Variants in INSR observed in about 807,000 individuals in gnomAD.
INSR encodes the protein insulin receptor.
In INSR, 67 loss-of-function variants were observed where a neutral mutation model predicts 142.6. The observed-to-expected ratio is 0.47, with a 90% CI of 0.39 to 0.58. The LOEUF is 0.58. Among genes scored for constraint, INSR ranks in the 20% least tolerant of loss-of-function variants. The pLI is 0.00. For missense variants in INSR, 1,248 were observed against 1,833.2 expected (o/e 0.68, Z 5.83); for synonymous variants, 756 against 743.1 (o/e 1.02, Z -0.28).
chr19:7,131,625 TGTGAGCCACC>T (rs1321276795), intron 14 of INSR, among the ~76,000 whole-genome samples: 2 of 148,478 alleles, frequency 1.3e-5, no homozygotes, highest in African/African-American at 4.9e-5. Flanking sequence ...GGATTACAGG[TGTGAGCCACC>T]GTGCCCAGCC....
rs1972411363 is a variant in INSR at position 7,119,022 on chromosome 19, G to A, written c.3794+427C>T. Among the ~76,000 whole-genome samples the A allele has an allele frequency of 6.6e-6, 1 of 150,884 alleles. No individual in the cohort carries two copies. The highest frequency in any genetic ancestry group is 6.6e-5 in the Admixed American group (1 of 15,104). On this transcript the variant is annotated intron_variant, in intron 21 of 21. Transcript: ENST00000302850. The surrounding 1 kb of genome is among the most constrained non-coding windows in gnomAD (Gnocchi z 5.2). ...AGATAACTACCGCTATAGGTGTTTT[G>A]TGCAACCTTCCAAAGATACAATATG...
intron 2 of INSR, among the ~76,000 whole-genome samples, chr19:7,234,239 C>T (rs1261347397): frequency 1.3e-5 from 2 of 151,818 alleles, no homozygotes; most frequent in Non-Finnish European, 2.9e-5. Context: ...TGGGGTCTTT[C>T]TTTGTTGCCC....
At chr19:7,224,243 A>T (rs1406452667) in intron 2 of INSR, among the ~76,000 whole-genome samples, 5 of 137,342 alleles carry the variant, frequency 3.6e-5, no homozygotes, top group Non-Finnish European at 4.6e-5. Context: ...CACCAGGCCA[A>T]TTTTTTTTTT....
intron 2 of INSR, among the ~76,000 whole-genome samples, chr19:7,260,196 G>A (rs376407219): frequency 5.3e-5 from 8 of 152,052 alleles, no homozygotes; most frequent in Admixed American, 2.0e-4. Flanking sequence ...ACTTTGACTC[G>A]GAGCTGTAAT....
intron 2 of INSR, among the ~76,000 whole-genome samples, chr19:7,249,862 G>C (rs1245982301): frequency 6.6e-6 from 1 of 151,994 alleles, no homozygotes; most frequent in Non-Finnish European, 1.5e-5. Flanking sequence ...CGTGGTGGCA[G>C]GTGCCTGTAG....
intron 2 of INSR, among the ~76,000 whole-genome samples, chr19:7,215,939 TCA>T (rs1382242173): frequency 2.6e-5 from 4 of 152,040 alleles, no homozygotes; most frequent in Non-Finnish European, 5.9e-5. Context: ...CATATTCGAA[TCA>T]CAAAGCCCCA....
chr19:7,267,693 G>T lies in INSR; in HGVS notation c.304C>A (p.Leu102Met). 1 of 1,614,138 alleles carries T rather than the reference G, an allele frequency of 6.2e-7. No individual in the cohort carries two copies. Among genetic ancestry groups the T allele is most frequent in the African/African-American group, 1.3e-5 (1 of 75,046 alleles). ...CGGATGACCGTGAGGTTGGGGAACA[G>T]GTCCTTCAGGCTCTCGAGCCCATAG... is the stretch of plus-strand genomic sequence containing the variant. Reference protein sequence around the residue: ...RVYGLESLKDLFPNLTVIRGS... With the variant: ...RVYGLESLKDMFPNLTVIRGS... Residue 102 changes from leucine (L) to methionine (M), a missense_variant, in exon 2 of 22, where the codon CTG becomes ATG. Leu to Met is a conservative substitution (Grantham distance 15, BLOSUM62 2). Transcript: ENST00000302850. This position sits in a 1 kb window ranked among gnomAD's most constrained non-coding sequence, Gnocchi z 6.3.
intron 2 of INSR, among the ~76,000 whole-genome samples, chr19:7,234,214 T>C (rs1976086946): frequency 6.6e-6 from 1 of 151,720 alleles, no homozygotes; most frequent in Admixed American, 6.6e-5. Flanking sequence ...TGGCCCCTAT[T>C]ATTTTAAATG....
intron 2 of INSR, among the ~76,000 whole-genome samples, chr19:7,195,914 CTTTCTTTCT>C (rs1974731333): frequency 7.4e-6 from 1 of 135,498 alleles, no homozygotes; most frequent in African/African-American, 2.8e-5. Flanking sequence ...TGTAAGAGAA[CTTTCTTTCT>C]TTTCTTTCTT....
At position 7,117,013 on chromosome 19, in the gene INSR, C is replaced by T. The variant is rs374974617; in HGVS notation, c.*43G>A. The T allele has an allele frequency of 1.2e-5, 18 of 1,498,734 alleles. No individual in the cohort carries two copies. Among genetic ancestry groups the T allele is most frequent in the African/African-American group, 1.1e-4 (8 of 72,524 alleles). The allele number at this position is 1,498,734 out of a possible 1,614,324, so 92.8% of individuals were successfully genotyped here. A position where few individuals can be genotyped will look rare whatever the true frequency, so the allele number is the denominator to read the frequency against. On this transcript the variant is annotated 3_prime_UTR_variant, in exon 22 of 22. Transcript: ENST00000302850. Reference sequence around the variant, plus strand: ...CAGAGGCTTTCAAACCAGAGGAAAGCGAAAATGGGAACCCCTGCCCGCCCC... The same window carrying T: ...CAGAGGCTTTCAAACCAGAGGAAAGTGAAAATGGGAACCCCTGCCCGCCCC...
At chr19:7,256,931 CTTTT>C (rs772500676) in intron 2 of INSR, among the ~76,000 whole-genome samples, 2 of 109,476 alleles carry the variant, frequency 1.8e-5, no homozygotes, top group African/African-American at 3.5e-5. Context: ...TCTACCCTAC[CTTTT>C]TTTTTTTTTT....
chr19:7,154,155 C>T (rs975105535), intron 9 of INSR, among the ~76,000 whole-genome samples: 5 of 151,156 alleles, frequency 3.3e-5, no homozygotes, highest in African/African-American at 4.9e-5. Flanking sequence ...AGCGAGACTC[C>T]GTCTCAAAAA....
chr19:7,154,538 G>A (rs1251072461), intron 9 of INSR, among the ~76,000 whole-genome samples: 5 of 150,434 alleles, frequency 3.3e-5, no homozygotes, highest in East Asian at 2.0e-4. Context: ...TCCTGACCTC[G>A]TGATCTGCCC....
intron 2 of INSR, among the ~76,000 whole-genome samples, chr19:7,218,871 T>C (rs970107710): frequency 6.6e-6 from 1 of 152,016 alleles, no homozygotes; most frequent in African/African-American, 2.4e-5. Flanking sequence ...AAAGATAATC[T>C]GAGGAAATCG....
chr19:7,195,038 AG>A (rs1269996479), intron 2 of INSR, among the ~76,000 whole-genome samples: 7 of 152,060 alleles, frequency 4.6e-5, no homozygotes, highest in African/African-American at 1.7e-4. Flanking sequence ...CCCCTCCTGC[AG>A]GGGGAAAAGA....
intron 2 of INSR, among the ~76,000 whole-genome samples, chr19:7,238,427 C>G (rs1976229597): frequency 6.6e-6 from 1 of 151,892 alleles, no homozygotes. Flanking sequence ...CAAGACCAGC[C>G]TGGCCAACAT....
chr19:7,235,596 T>TC (rs11404027), intron 2 of INSR, among the ~76,000 whole-genome samples: 91,646 of 151,858 alleles, frequency 0.6, 28,660 homozygotes, highest in East Asian at 0.84. Flanking sequence ...TCGCCTGTAA[T>TC]CCAACACTTT....
At chr19:7,129,516 G>T (rs1972727195) in intron 14 of INSR, among the ~76,000 whole-genome samples, 2 of 151,846 alleles carry the variant, frequency 1.3e-5, no homozygotes, top group Non-Finnish European at 2.9e-5. Flanking sequence ...ATAGAGACAG[G>T]GTTTCACCTT....
chr19:7,238,350 T>C (rs1976227175), intron 2 of INSR, among the ~76,000 whole-genome samples: 1 of 152,122 alleles, frequency 6.6e-6, no homozygotes, highest in African/African-American at 2.4e-5. Flanking sequence ...CCAGGCTCAG[T>C]GGCTCACGCC....
Sources: allele counts gnomAD v4.1 joint callset (sites outside exome capture counted in the v4.1 genomes callset), GRCh38; gene constraint gnomAD v4.1.1; non-coding constraint Gnocchi (gnomAD v3.1); transcripts MANE v1.5; gene names NCBI Gene and HGNC (gene_info 2026-07-23, HGNC 2026-07-21).